Variants in TUFT1 observed in about 807,000 individuals in gnomAD.
TUFT1 encodes tuftelin.
A neutral mutation model predicts 57.8 loss-of-function variants in TUFT1; 43 were observed. The ratio of observed to expected loss-of-function variants is 0.74; its 90% CI spans 0.58 to 0.96. The LOEUF (loss-of-function observed/expected upper bound fraction) is 0.96. Ranked by LOEUF, TUFT1 falls within the 40% of genes least tolerant of loss-of-function variation. TUFT1 has a pLI of 0.00. For synonymous variants in TUFT1, 166 were observed against 176.7 expected (o/e 0.94, Z 0.48); for missense variants, 459 against 489.0 (o/e 0.94, Z 0.58).
intron 9 of TUFT1, among the ~76,000 whole-genome samples, chr1:151,577,867 T>C (rs1364325095): frequency 6.6e-6 from 1 of 151,816 alleles, no homozygotes; most frequent in South Asian, 2.1e-4. Flanking sequence ...CAAAAAAAAT[T>C]TTTTTTTAGT....
chr1:151,574,865 C>T (rs769858303), intron 8 of TUFT1, 46 bp from the exon 9 acceptor site: 4 of 1,500,508 alleles, frequency 2.7e-6, no homozygotes, highest in Admixed American at 2.0e-5. Flanking sequence ...AACGCAGAAA[C>T]TGTTGCCATC....
chr1:151,547,822 GAC>G (rs1199437388), intron 1 of TUFT1, among the ~76,000 whole-genome samples: 14 of 152,194 alleles, frequency 9.2e-5, no homozygotes, highest in Non-Finnish European at 1.3e-4. Context: ...TCCCTCTACA[GAC>G]ACACTGTCAC....
At chr1:151,580,396 C>T (rs1370506097) in intron 11 of TUFT1, among the ~76,000 whole-genome samples, 1 of 152,138 alleles carries the variant, frequency 6.6e-6, no homozygotes, top group Non-Finnish European at 1.5e-5. Context: ...TGCAGTGGCT[C>T]ATGCCTGTAA....
At chr1:151,552,696 G>A (rs11800391) in intron 1 of TUFT1, among the ~76,000 whole-genome samples, 122,684 of 127,082 alleles carry the variant, frequency 0.97, 59,408 homozygotes, top group East Asian at 1. Flanking sequence ...AGAGCGAGAG[G>A]GACTCTGTCT....
intron 9 of TUFT1, among the ~76,000 whole-genome samples, chr1:151,577,775 C>T (rs966177345): frequency 1.3e-5 from 2 of 152,158 alleles, no homozygotes; most frequent in African/African-American, 4.8e-5. Flanking sequence ...GTAATCCTAG[C>T]ACTTTGGGAG....
In TUFT1 at chr1:151,569,760, T is replaced by A; in HGVS notation, c.584T>A (p.Val195Glu). 1 of 1,613,838 alleles carries A rather than the reference T, an allele frequency of 6.2e-7. No homozygotes were observed. The highest frequency in any genetic ancestry group is 8.5e-7 in the Non-Finnish European group (1 of 1,179,788). ...EAKRQHQSDC[V>E]AFEVTLSRYQ... ...AAGCGGCAACACCAGTCAGACTGTG[T>A]GGCTTTTGAGGTGAGATTTGGGATT... is the stretch of plus-strand genomic sequence containing the variant. Residue 195 changes from valine (V) to glutamate (E), a missense_variant, in exon 7 of 13, where the codon GTG (valine) becomes GAG (glutamate). Transcript: ENST00000368849.
At chr1:151,556,589 T>A (rs1182771952) in intron 1 of TUFT1, among the ~76,000 whole-genome samples, 2 of 152,066 alleles carry the variant, frequency 1.3e-5, no homozygotes, top group Non-Finnish European at 2.9e-5. Flanking sequence ...AAAAACATGT[T>A]TTTTTGAAGA....
At chr1:151,557,972 C>A (rs1015301829) in intron 1 of TUFT1, 4 of 520,304 alleles carry the variant, frequency 7.7e-6, no homozygotes, top group East Asian at 4.7e-5. Flanking sequence ...ATTGAATAAA[C>A]TTACAGCAAA....
intron 1 of TUFT1, among the ~76,000 whole-genome samples, chr1:151,558,781 C>CTTTTT (rs56003478): frequency 4.2e-5 from 6 of 142,052 alleles, no homozygotes; most frequent in Admixed American, 7.1e-5. Flanking sequence ...AGATAGTGTC[C>CTTTTT]TTTTTTTTTT....
intron 7 of TUFT1, among the ~76,000 whole-genome samples, chr1:151,571,080 T>C (rs1571713182): frequency 1.3e-5 from 2 of 152,232 alleles, no homozygotes; most frequent in East Asian, 3.8e-4. Flanking sequence ...ACAAGTAATG[T>C]ATTCTTTGTG....
chr1:151,563,105 CA>C (rs1665950652), intron 3 of TUFT1, among the ~76,000 whole-genome samples: 1 of 152,060 alleles, frequency 6.6e-6, no homozygotes, highest in Non-Finnish European at 1.5e-5. Flanking sequence ...GGCTGGTCTC[CA>C]AATCCTGGGC....
intron 6 of TUFT1, among the ~76,000 whole-genome samples, chr1:151,568,080 AT>A (rs886618633): frequency 3.0e-4 from 45 of 149,496 alleles, no homozygotes; most frequent in Non-Finnish European, 4.8e-4. Flanking sequence ...TTTCTTTATA[AT>A]TTTTTTTTTG....
chr1:151,556,760 A>G (rs1282731138), intron 1 of TUFT1, among the ~76,000 whole-genome samples: 2 of 152,112 alleles, frequency 1.3e-5, no homozygotes, highest in Admixed American at 6.5e-5. Flanking sequence ...ACTTGAGGTC[A>G]GGAGTTCGAG....
intron 1 of TUFT1, among the ~76,000 whole-genome samples, chr1:151,546,571 T>C (rs901979688): frequency 8.5e-5 from 13 of 152,178 alleles, no homozygotes; most frequent in Non-Finnish European, 1.5e-4. Context: ...GTCTACTTTT[T>C]TTCTCTATGG....
intron 6 of TUFT1, among the ~76,000 whole-genome samples, chr1:151,568,782 T>A (rs1430750943): frequency 6.6e-6 from 1 of 152,228 alleles, no homozygotes; most frequent in African/African-American, 2.4e-5. Flanking sequence ...CTGTTTGGCC[T>A]CTTTCTTCTC....
intron 1 of TUFT1, among the ~76,000 whole-genome samples, chr1:151,556,845 T>A (rs1211820930): frequency 6.6e-6 from 1 of 152,164 alleles, no homozygotes; most frequent in Non-Finnish European, 1.5e-5. Flanking sequence ...CACGGGAGCT[T>A]GTAATCCCAG....
intron 1 of TUFT1, among the ~76,000 whole-genome samples, chr1:151,559,763 T>C (rs1665822517): frequency 6.6e-6 from 1 of 152,142 alleles, no homozygotes; most frequent in African/African-American, 2.4e-5. Context: ...CACCCTCCTG[T>C]GTGGCAGAGA....
At chr1:151,545,811 G>T (rs1325343362) in intron 1 of TUFT1, 1 of 532,742 alleles carries the variant, frequency 1.9e-6, no homozygotes, top group Non-Finnish European at 3.9e-6. Context: ...AGTAACCTTT[G>T]CTAGTCCTGA....
At chr1:151,553,795 TC>T (rs1170067554) in intron 1 of TUFT1, among the ~76,000 whole-genome samples, 4 of 152,228 alleles carry the variant, frequency 2.6e-5, no homozygotes, top group African/African-American at 9.6e-5. Context: ...TGTCGGTTGT[TC>T]CACATCTGCT....
Sources: gnomAD v4.1 joint callset for allele counts (sites outside exome capture counted in the v4.1 genomes callset) on GRCh38, gnomAD v4.1.1 for gene constraint, MANE v1.5 for transcripts, NCBI Gene and HGNC (gene_info 2026-07-23, HGNC 2026-07-21) for gene names.